Variants in PTPRD observed in about 807,000 individuals in gnomAD.
The protein encoded by PTPRD is receptor-type tyrosine-protein phosphatase delta.
PTPRD carries 34 observed loss-of-function variants against 214.5 expected under a neutral mutation model. The ratio of observed to expected loss-of-function variants is 0.16; its 90% CI spans 0.12 to 0.21. The LOEUF (loss-of-function observed/expected upper bound fraction) is 0.21. PTPRD is among the 10% of genes least tolerant of loss of function. The pLI is 1.00. For synonymous variants in PTPRD, 1,128 were observed against 845.7 expected (o/e 1.33, Z -5.79); for missense variants, 2,545 against 2,398.7 (o/e 1.06, Z -1.27).
chr9:8,860,134 T>C (rs2098072912), intron 11 of PTPRD: 1 of 152,210 alleles, frequency 6.6e-6, no homozygotes, highest in Non-Finnish European at 1.5e-5. Context: ...CAAAGTTGCA[T>C]GTTAGAGAAA....
intron 5 of PTPRD, among the ~76,000 whole-genome samples, chr9:9,806,730 C>T (rs1199212137): frequency 6.6e-6 from 1 of 152,184 alleles, no homozygotes; most frequent in Non-Finnish European, 1.5e-5. Flanking sequence ...CAGTGATCAG[C>T]AGCTTCCCAA....
At position 8,480,878 on chromosome 9, in the gene PTPRD, C is replaced by A. The variant is rs576323592; in HGVS notation, c.3413+3241G>T. On this transcript the variant is annotated intron_variant, in intron 30 of 45. Coordinates refer to ENST00000381196, the MANE Select transcript of PTPRD (RefSeq NM_002839.4). ...AAGAAGGGCCGGGCGCCGTGGCTCA[C>A]GCCTGTAACCCCAGCACTTTGGGAG... Among the ~76,000 whole-genome samples the A allele has an allele frequency of 1.2e-4, 18 of 152,200 alleles. No individual in the cohort carries two copies. The South Asian group carries it at 2.7e-3, about 23-fold the overall frequency.
chr9:8,677,537 G>C (rs1054974894), intron 12 of PTPRD, among the ~76,000 whole-genome samples: 3 of 152,180 alleles, frequency 2.0e-5, no homozygotes, highest in Admixed American at 1.3e-4. Flanking sequence ...GGAGGGTGAG[G>C]AGGGTGAGGA....
In PTPRD at chr9:8,389,328, T is replaced by A. The variant is rs117049052; in HGVS notation, c.4290A>T (p.Gly1430=). Residue 1430 remains glycine (G), a synonymous_variant, in exon 37 of 46, where the codon GGA becomes GGT. Transcript: ENST00000381196. ...RKQNAYIATQ[G]SLPETFGDFW... is the part of the protein sequence containing the mutation. Reference sequence around the variant, plus strand: ...AGTCCCCAAATGTTTCGGGGAGAGATCCCTGTGTTGCAATATAGGCATTTT... The same window carrying A: ...AGTCCCCAAATGTTTCGGGGAGAGAACCCTGTGTTGCAATATAGGCATTTT... 8.4e-4 allele frequency: 1,350 copies of A among 1,613,064 alleles called. 1 individual carries two copies. Among genetic ancestry groups the A allele is most frequent in the Non-Finnish European group, 1.1e-3 (1,284 of 1,179,370 alleles).
chr9:8,739,291 T>A (rs1012102201), intron 11 of PTPRD, among the ~76,000 whole-genome samples: 1 of 152,170 alleles, frequency 6.6e-6, no homozygotes, highest in Non-Finnish European at 1.5e-5. Context: ...TTCACTGACT[T>A]GTGGATTTTC....
chr9:8,582,206 T>C (rs2093220529), intron 14 of PTPRD, among the ~76,000 whole-genome samples: 2 of 152,164 alleles, frequency 1.3e-5, no homozygotes, highest in African/African-American at 4.8e-5. Context: ...TAAACAGTGT[T>C]GGGACAACTA....
intron 2 of PTPRD, among the ~76,000 whole-genome samples, chr9:10,352,604 T>A (rs1341218478): frequency 6.6e-6 from 1 of 152,062 alleles, no homozygotes; most frequent in Non-Finnish European, 1.5e-5. Context: ...ATAAGCATGT[T>A]TATTTATAAT....
rs17606375 is a variant in PTPRD, at chr9:9,357,922, A to G, written c.-203+39527T>C. On this transcript the variant is annotated intron_variant, in intron 9 of 45. Coordinates refer to ENST00000381196, the MANE Select transcript of PTPRD (RefSeq NM_002839.4). ...TTCTCTGTTCTCTATTTCCTTTTAC[A>G]TTTCTATTCTGTAATGCTTTAGAAT... is the stretch of plus-strand genomic sequence containing the variant. Among the ~76,000 whole-genome samples, 249 of 150,956 alleles carry G rather than the reference A, an allele frequency of 1.6e-3. 1 individual carries two copies. The highest frequency in any genetic ancestry group is 3.1e-3 in the Non-Finnish European group (209 of 67,372).
At chr9:8,728,115 T>G (rs1025771174) in intron 12 of PTPRD, among the ~76,000 whole-genome samples, 3 of 151,328 alleles carry the variant, frequency 2.0e-5, no homozygotes, top group African/African-American at 7.3e-5. Flanking sequence ...CCAGGTGTGG[T>G]GGCACACGCC....
intron 3 of PTPRD, among the ~76,000 whole-genome samples, chr9:10,041,371 T>A (rs1325722871): frequency 6.6e-6 from 1 of 151,880 alleles, no homozygotes; most frequent in African/African-American, 2.4e-5. Context: ...TCTAGGAAAA[T>A]AAGGCCTAAA....
intron 3 of PTPRD, among the ~76,000 whole-genome samples, chr9:10,308,393 G>C (rs988279776): frequency 4.0e-5 from 6 of 151,798 alleles, no homozygotes; most frequent in East Asian, 1.9e-4. Flanking sequence ...TTTAATTCTT[G>C]GTTATATTTT....
chr9:9,260,719 T>A (rs1380951774), intron 9 of PTPRD, among the ~76,000 whole-genome samples: 1 of 151,882 alleles, frequency 6.6e-6, no homozygotes, highest in Non-Finnish European at 1.5e-5. Flanking sequence ...GAAACTTCAA[T>A]TAATAGAATA....
chr9:9,085,003 C>G (rs67207423), intron 10 of PTPRD, among the ~76,000 whole-genome samples: 4 of 152,014 alleles, frequency 2.6e-5, no homozygotes, highest in African/African-American at 9.7e-5. Context: ...TCCTTTAAAA[C>G]TTCTATCTTT....
At chr9:10,396,122 C>A (rs1445919553) in intron 2 of PTPRD, among the ~76,000 whole-genome samples, 2 of 151,930 alleles carry the variant, frequency 1.3e-5, no homozygotes, top group African/African-American at 4.8e-5. Context: ...GAAAACCCCT[C>A]AGATTGTTAT....
chr9:9,177,194 C>T (rs1024537923), intron 10 of PTPRD, among the ~76,000 whole-genome samples: 1 of 151,904 alleles, frequency 6.6e-6, no homozygotes, highest in African/African-American at 2.4e-5. Flanking sequence ...AGGAGAAGTG[C>T]CTAGTGAAGG....
chr9:10,054,832 T>C (rs1359329465), intron 3 of PTPRD, among the ~76,000 whole-genome samples: 3 of 152,152 alleles, frequency 2.0e-5, no homozygotes. Context: ...CTGGCCCTTA[T>C]AAACTGAATG....
At chr9:9,489,276 C>G (rs1448242405) in intron 8 of PTPRD, among the ~76,000 whole-genome samples, 1 of 152,062 alleles carries the variant, frequency 6.6e-6, no homozygotes, top group Non-Finnish European at 1.5e-5. Flanking sequence ...CACGAACATT[C>G]CAAAAAATAG....
At chr9:8,959,005 A>G (rs754892710) in intron 11 of PTPRD, among the ~76,000 whole-genome samples, 3 of 152,044 alleles carry the variant, frequency 2.0e-5, no homozygotes, top group Non-Finnish European at 2.9e-5. Context: ...GATCATGGCA[A>G]CTGAGACAGG....
intron 12 of PTPRD, among the ~76,000 whole-genome samples, chr9:8,708,609 T>A (rs1219100365): frequency 1.4e-5 from 2 of 138,530 alleles, no homozygotes; most frequent in African/African-American, 5.4e-5. Context: ...AACTTGGGAG[T>A]CGGAAGTTGC....
Sources: gnomAD v4.1 joint callset for allele counts (sites outside exome capture counted in the v4.1 genomes callset) on GRCh38, gnomAD v4.1.1 for gene constraint, MANE v1.5 for transcripts, NCBI Gene and HGNC (gene_info 2026-07-23, HGNC 2026-07-21) for gene names.